TENM3: variants seen among roughly 807,000 people sequenced by gnomAD.
The protein encoded by TENM3 is teneurin transmembrane protein 3.
Under a neutral mutation model 255.1 loss-of-function variants are expected in TENM3, and 63 were observed. That is an observed-to-expected ratio of 0.25 (90% CI 0.20 to 0.30). The LOEUF (loss-of-function observed/expected upper bound fraction) is 0.30, where lower values mean the gene tolerates loss of function less well. TENM3 is among the 10% of genes least tolerant of loss of function. The pLI is 1.00. For missense variants in TENM3, 2,929 were observed against 3,461.1 expected (o/e 0.85, Z 3.86); for synonymous variants, 1,306 against 1,322.3 (o/e 0.99, Z 0.27).
At chr4:182,760,909 C>CTATT (rs568989076) in intron 22 of TENM3, among the ~76,000 whole-genome samples, 224 of 152,232 alleles carry the variant, frequency 1.5e-3, no homozygotes, top group Non-Finnish European at 2.7e-3. Context: ...ACGCCTAAGC[C>CTATT]TATTTCAAGT....
At chr4:182,226,127 C>T (rs1465840726) in intron 1 of TENM3, among the ~76,000 whole-genome samples, 1 of 152,106 alleles carries the variant, frequency 6.6e-6, no homozygotes, top group Non-Finnish European at 1.5e-5. Flanking sequence ...GGCCTGCGTG[C>T]CTATTTTCAG....
the TENM3 span, among the ~76,000 whole-genome samples, chr4:182,078,335 A>G: frequency 1.3e-5 from 2 of 152,132 alleles, no homozygotes; most frequent in Non-Finnish European, 2.9e-5. Flanking sequence ...CATCTTGGCC[A>G]ACATGGTGAA....
At chr4:181,716,077 T>G in the TENM3 span, among the ~76,000 whole-genome samples, 1 of 152,120 alleles carries the variant, frequency 6.6e-6, no homozygotes, top group South Asian at 2.1e-4. Flanking sequence ...GCTAACAAAA[T>G]GTACAATAAA....
chr4:182,713,722 C>G (rs778043285), intron 12 of TENM3, among the ~76,000 whole-genome samples: 6 of 152,276 alleles, frequency 3.9e-5, no homozygotes, highest in Non-Finnish European at 8.8e-5. Context: ...GATTACAAAT[C>G]TAGACTAGGG....
At chr4:181,663,962 GT>G in the TENM3 span, among the ~76,000 whole-genome samples, 1 of 152,092 alleles carries the variant, frequency 6.6e-6, no homozygotes, top group Non-Finnish European at 1.5e-5. Context: ...GATTACTTCA[GT>G]TGTCAGGTAT....
chr4:182,636,721 A>T (rs1751874759), intron 5 of TENM3, among the ~76,000 whole-genome samples: 1 of 143,216 alleles, frequency 7.0e-6, no homozygotes, highest in East Asian at 1.9e-4. Flanking sequence ...TGTCTCAAAA[A>T]AAAAAAAAGA....
At chr4:181,564,106 T>A in the TENM3 span, among the ~76,000 whole-genome samples, 1 of 146,474 alleles carries the variant, frequency 6.8e-6, no homozygotes, top group African/African-American at 2.5e-5. Context: ...ACTGGCAGGA[T>A]CTCAGCTCAC....
the TENM3 span, among the ~76,000 whole-genome samples, chr4:181,464,172 G>A: frequency 6.6e-6 from 1 of 152,168 alleles, no homozygotes; most frequent in Admixed American, 6.5e-5. Flanking sequence ...ATGTCCAGAA[G>A]CAGAATTACT....
chr4:181,493,825 C>T, the TENM3 span, among the ~76,000 whole-genome samples: 38,489 of 151,990 alleles, frequency 0.25, 5,086 homozygotes, highest in Middle Eastern at 0.33. Context: ...CATTCGCCTA[C>T]GTACCAATGA....
intron 3 of TENM3, among the ~76,000 whole-genome samples, chr4:182,474,322 G>A (rs975014296): frequency 1.3e-5 from 2 of 152,148 alleles, no homozygotes; most frequent in Middle Eastern, 3.2e-3. Context: ...CTTATTTGTA[G>A]GCATCAGCAT....
intron 3 of TENM3, among the ~76,000 whole-genome samples, chr4:182,421,756 A>C (rs975020129): frequency 2.0e-5 from 3 of 152,196 alleles, no homozygotes; most frequent in Non-Finnish European, 4.4e-5. Context: ...AAAAAGAAAA[A>C]CAATCTAAAT....
chr4:182,610,407 G>A (rs891069048), intron 4 of TENM3, among the ~76,000 whole-genome samples: 1 of 152,176 alleles, frequency 6.6e-6, no homozygotes, highest in Admixed American at 6.5e-5. Flanking sequence ...CTGGCCAAGT[G>A]TGGTGGCTCA....
the TENM3 span, among the ~76,000 whole-genome samples, chr4:181,581,419 C>A: frequency 6.6e-6 from 1 of 151,960 alleles, no homozygotes; most frequent in African/African-American, 2.4e-5. Context: ...CCAGCCTGGG[C>A]GACAGAGAGA....
chr4:182,742,699 T>C (rs992436053), intron 18 of TENM3, among the ~76,000 whole-genome samples: 1 of 152,220 alleles, frequency 6.6e-6, no homozygotes, highest in Non-Finnish European at 1.5e-5. Context: ...AAGAACATTA[T>C]GTAGAGCCTG....
At chr4:181,864,934 C>G in the TENM3 span, among the ~76,000 whole-genome samples, 1 of 152,180 alleles carries the variant, frequency 6.6e-6, no homozygotes, top group Non-Finnish European at 1.5e-5. Flanking sequence ...TGAGCTGATT[C>G]TATGGCTCAG....
chr4:182,090,893 T>C, the TENM3 span, among the ~76,000 whole-genome samples: 1 of 152,250 alleles, frequency 6.6e-6, no homozygotes, highest in African/African-American at 2.4e-5. Flanking sequence ...ATTTATTTAA[T>C]CTTTCTTCTT....
chr4:182,250,253 T>A (rs868453238), intron 1 of TENM3, among the ~76,000 whole-genome samples: 19 of 149,904 alleles, frequency 1.3e-4, no homozygotes, highest in Non-Finnish European at 2.8e-4. Flanking sequence ...GGGGTTTCAC[T>A]GTGTTAGCCA....
chr4:182,414,709 A>G (rs192028918), intron 3 of TENM3, among the ~76,000 whole-genome samples: 2 of 152,334 alleles, frequency 1.3e-5, no homozygotes, highest in Admixed American at 1.3e-4. Flanking sequence ...GATGTGTGAA[A>G]TAAATCCTTA....
At position 182,669,574 on chromosome 4, in the gene TENM3, A is replaced by G. The variant is rs187701078; in HGVS notation, c.1112-3431A>G. ...CGTGAGCCACCACACCCGGCCTTCCATGTCAGTTTTTTAAGTTTTATCAAT... is the reference window on the plus strand; with the variant it reads ...CGTGAGCCACCACACCCGGCCTTCCGTGTCAGTTTTTTAAGTTTTATCAAT... On this transcript the variant is annotated intron_variant, in intron 6 of 27. Coordinates refer to ENST00000511685, the MANE Select transcript of TENM3 (RefSeq NM_001080477.4). 5.8e-4 allele frequency among the ~76,000 whole-genome samples: 89 copies of G among 152,214 alleles called. 1 individual carries two copies. Among genetic ancestry groups the G allele is most frequent in the African/African-American group, 1.8e-3 (75 of 41,550 alleles).
Sources: gnomAD v4.1 joint callset for allele counts (sites outside exome capture counted in the v4.1 genomes callset) on GRCh38, gnomAD v4.1.1 for gene constraint, MANE v1.5 for transcripts, NCBI Gene and HGNC (gene_info 2026-07-23, HGNC 2026-07-21) for gene names.